Variants in PDCD10 observed in about 807,000 individuals in gnomAD.
PDCD10 encodes the protein programmed cell death 10, also known as programmed cell death protein 10.
A neutral mutation model predicts 29.2 loss-of-function variants in PDCD10; 4 were observed. That is an observed-to-expected ratio of 0.14 (90% CI 0.07 to 0.31). The LOEUF (loss-of-function observed/expected upper bound fraction) is 0.31, where lower values mean the gene tolerates loss of function less well. PDCD10 is among the 10% of genes least tolerant of loss of function. The probability of loss-of-function intolerance (pLI) is 1.00; values close to 1 mark genes in which losing one functional copy is unlikely to be tolerated. For missense variants in PDCD10, 183 were observed against 257.9 expected, an observed-to-expected ratio of 0.71 and a Z score of 1.99; for synonymous variants, 70 against 82.2, an observed-to-expected ratio of 0.85 and a Z score of 0.80.
chr3:167,685,283 T>G (rs1719474803), intron 8 of PDCD10, among the ~76,000 whole-genome samples: 1 of 150,660 alleles, frequency 6.6e-6, no homozygotes, highest in Non-Finnish European at 1.5e-5. Context: ...CATGGTGGCA[T>G]GTGTCTATAA....
intron 8 of PDCD10, among the ~76,000 whole-genome samples, chr3:167,684,985 C>T (rs1306416477): frequency 6.6e-6 from 1 of 150,988 alleles, no homozygotes; most frequent in African/African-American, 2.4e-5. Flanking sequence ...CTTTGAGCCC[C>T]ACCACATTCT....
intron 3 of PDCD10, among the ~76,000 whole-genome samples, chr3:167,713,066 A>G (rs1053102245): frequency 2.0e-5 from 3 of 152,100 alleles, no homozygotes. Context: ...AAATCAACAA[A>G]GAAACATCAG....
Position 167,720,273 on chromosome 3 carries a change from T to G in PDCD10, c.-116A>C. The G allele has an allele frequency of 1.4e-6, 1 of 723,650 alleles. No individual in the cohort carries two copies. Among genetic ancestry groups the G allele is most frequent in the Non-Finnish European group, 2.5e-6 (1 of 401,044 alleles). The allele number at this position is 723,650 out of a possible 1,614,324, so 44.8% of individuals were successfully genotyped here. ...GAATTGGACACAAAAAACACACTGA[T>G]CTGGTGAAAGAGGAAGAAAGAACAG... On this transcript the variant is annotated splice_region_variant and 5_prime_UTR_variant, in exon 3 of 9. Coordinates refer to ENST00000392750, the MANE Select transcript of PDCD10 (RefSeq NM_007217.4).
intron 6 of PDCD10, among the ~76,000 whole-genome samples, chr3:167,689,139 T>A (rs1317394117): frequency 6.6e-6 from 1 of 152,174 alleles, no homozygotes; most frequent in Non-Finnish European, 1.5e-5. Context: ...TATCTAATTT[T>A]TTTTTGCCTC....
chr3:167,685,392 T>C (rs1719493880), intron 8 of PDCD10, among the ~76,000 whole-genome samples: 1 of 108,370 alleles, frequency 9.2e-6, no homozygotes, highest in African/African-American at 4.2e-5. Context: ...CAAGACTCTG[T>C]CTCCAAAAAA....
At chr3:167,692,296 G>A (rs1047066194) in intron 6 of PDCD10, among the ~76,000 whole-genome samples, 1 of 152,154 alleles carries the variant, frequency 6.6e-6, no homozygotes, top group Non-Finnish European at 1.5e-5. Context: ...CTGGGGATGA[G>A]GCCCAAGTAT....
At position 167,684,194 on chromosome 3, in the gene PDCD10, G is replaced by A; in HGVS notation, c.*114C>T. ...TGGCAATAATCCCATTCAACATCCT[G>A]GATTAGATCCCTTCAGGAGGGACTG... On this transcript the variant is annotated 3_prime_UTR_variant, in exon 9 of 9. Transcript: ENST00000392750. The A allele has an allele frequency of 1.4e-6, 1 of 701,984 alleles. No individual in the cohort carries two copies. The highest frequency in any genetic ancestry group is 1.5e-5 in the South Asian group (1 of 68,776). The allele number at this position is 701,984 out of a possible 1,614,324, so 43.5% of individuals were successfully genotyped here. A position where few individuals can be genotyped will look rare whatever the true frequency, so the allele number is the denominator to read the frequency against.
intron 8 of PDCD10, among the ~76,000 whole-genome samples, chr3:167,684,661 G>A (rs1479042018): frequency 6.6e-6 from 1 of 152,046 alleles, no homozygotes; most frequent in East Asian, 1.9e-4. Flanking sequence ...TTTATAGGTG[G>A]AACAAGTTAA....
intron 3 of PDCD10, among the ~76,000 whole-genome samples, chr3:167,710,950 C>T (rs943892053): frequency 2.0e-5 from 3 of 152,200 alleles, no homozygotes; most frequent in Admixed American, 1.3e-4. Context: ...TAGTCAACAC[C>T]ACCAAGGCGG....
chr3:167,695,106 ACCAG>A (rs1720667720), intron 6 of PDCD10, among the ~76,000 whole-genome samples: 2 of 152,110 alleles, frequency 1.3e-5, no homozygotes. Context: ...GCTGCTGCTC[ACCAG>A]CCAGCCTTCT....
intron 2 of PDCD10, among the ~76,000 whole-genome samples, chr3:167,733,339 T>C (rs1306839769): frequency 6.6e-6 from 1 of 152,198 alleles, no homozygotes. Flanking sequence ...ATAATAATAG[T>C]CATGAGCTAT....
intron 8 of PDCD10, 63 bp downstream of exon 8, chr3:167,687,171 A>T (rs757242378): frequency 1.2e-6 from 1 of 857,134 alleles, no homozygotes; most frequent in African/African-American, 1.7e-5. Flanking sequence ...TGTGGTTTTC[A>T]TATCATATAA....
intron 3 of PDCD10, among the ~76,000 whole-genome samples, chr3:167,712,007 A>G (rs1024939185): frequency 6.6e-6 from 1 of 152,136 alleles, no homozygotes; most frequent in Non-Finnish European, 1.5e-5. Flanking sequence ...TAGAAGAAAT[A>G]ACAAAGGGAG....
rs2108397756 is a variant in PDCD10, at chr3:167,694,025, T to C, written c.395+1571A>G. 1.3e-5 allele frequency among the ~76,000 whole-genome samples: 2 copies of C among 152,214 alleles called. 1 individual carries two copies. The highest frequency in any genetic ancestry group is 2.9e-5 in the Non-Finnish European group (2 of 68,006). ...TTAGTATGCTTTATATTATGGGATA[T>C]AAAAACTAACCACCCATCTATGGAA... On this transcript the variant is annotated intron_variant, in intron 6 of 8. Transcript: ENST00000392750.
At chr3:167,706,297 T>C (rs1047706708) in intron 3 of PDCD10, among the ~76,000 whole-genome samples, 4 of 152,186 alleles carry the variant, frequency 2.6e-5, no homozygotes, top group Non-Finnish European at 4.4e-5. Flanking sequence ...CAAAATTCTG[T>C]TGGGAGTCAC....
At chr3:167,693,212 A>C (rs1481936874) in intron 6 of PDCD10, among the ~76,000 whole-genome samples, 1 of 152,262 alleles carries the variant, frequency 6.6e-6, no homozygotes, top group Non-Finnish European at 1.5e-5. Flanking sequence ...TATTTTCAAA[A>C]GATGAATGTT....
intron 3 of PDCD10, among the ~76,000 whole-genome samples, chr3:167,713,043 T>A (rs1235933689): frequency 6.6e-6 from 1 of 152,094 alleles, no homozygotes; most frequent in Non-Finnish European, 1.5e-5. Context: ...GTTGGACAGA[T>A]CTTTCAGACA....
chr3:167,712,149 T>G (rs1379011935), intron 3 of PDCD10, among the ~76,000 whole-genome samples: 1 of 152,118 alleles, frequency 6.6e-6, no homozygotes, highest in Non-Finnish European at 1.5e-5. Flanking sequence ...CAAGCTACTC[T>G]TAAGTAGAAA....
intron 4 of PDCD10, chr3:167,697,861 G>C (rs1417081407): frequency 8.8e-6 from 4 of 453,530 alleles, no homozygotes; most frequent in East Asian, 1.4e-4. Flanking sequence ...CAAAGCCAGA[G>C]TTAATCTTCA....
Sources: allele counts gnomAD v4.1 joint callset (sites outside exome capture counted in the v4.1 genomes callset), GRCh38; gene constraint gnomAD v4.1.1; transcripts MANE v1.5; gene names NCBI Gene and HGNC (gene_info 2026-07-23, HGNC 2026-07-21).